MTMR8: variants seen among roughly 807,000 people sequenced by gnomAD.
MTMR8 encodes myotubularin related protein 8.
MTMR8 carries 65 observed loss-of-function variants against 39.3 expected under a neutral mutation model. The ratio of observed to expected loss-of-function variants is 1.65; its 90% CI spans 1.35 to 2.03. MTMR8 has a LOEUF of 2.03. Ranked by LOEUF, MTMR8 falls within the 30% of genes most tolerant of loss-of-function variation. The probability of loss-of-function intolerance (pLI) is 0.00; values close to 1 mark genes in which losing one functional copy is unlikely to be tolerated. For synonymous variants in MTMR8, 245 were observed against 185.2 expected (o/e 1.32, Z -2.62); for missense variants, 777 against 538.9 (o/e 1.44, Z -4.37).
chrX:64,273,867 T>C (rs1931816850), intron 12 of MTMR8, among the ~76,000 whole-genome samples: 1 of 111,674 alleles, frequency 9.0e-6, no homozygotes, highest in Non-Finnish European at 1.9e-5. Flanking sequence ...CAATGAAGAA[T>C]TTTATATAAT....
At chrX:64,282,041 A>C (rs1254463695) in intron 12 of MTMR8, among the ~76,000 whole-genome samples, 1 of 111,344 alleles carries the variant, frequency 9.0e-6, no homozygotes, top group Non-Finnish European at 1.9e-5. Context: ...TGCCAGTCAG[A>C]ATGGCGATTA....
intron 11 of MTMR8, among the ~76,000 whole-genome samples, chrX:64,329,697 T>C (rs780720839): frequency 1.3e-4 from 15 of 111,252 alleles, no homozygotes; most frequent in South Asian, 1.1e-3. Context: ...TGAAGAGTGA[T>C]ATAAGTGGTA....
chrX:64,341,479 CAAAAAAA>C (rs758580930), intron 8 of MTMR8, among the ~76,000 whole-genome samples: 3 of 25,547 alleles, frequency 1.2e-4, no homozygotes, highest in African/African-American at 2.8e-4. Context: ...AACTCTGTCT[CAAAAAAA>C]AAAAAAAAAA....
chrX:64,393,494 C>T (rs1392694912), intron 1 of MTMR8, among the ~76,000 whole-genome samples: 1 of 111,884 alleles, frequency 8.9e-6, no homozygotes, highest in Non-Finnish European at 1.9e-5. Context: ...GTTCTGCCTC[C>T]CCATCTTCCC....
At chrX:64,349,760 A>G (rs1209082340) in intron 5 of MTMR8, among the ~76,000 whole-genome samples, 182 bp downstream of exon 5, 1 of 112,162 alleles carries the variant, frequency 8.9e-6, no homozygotes, top group East Asian at 2.8e-4. Context: ...TTTACAATTT[A>G]CAAAGTACAT....
At chrX:64,388,596 G>T (rs1299773426) in intron 1 of MTMR8, among the ~76,000 whole-genome samples, 2 of 112,392 alleles carry the variant, frequency 1.8e-5, no homozygotes, top group African/African-American at 6.5e-5. Context: ...GCATCTTGCA[G>T]TCCCCACATC....
At chrX:64,310,195 C>A (rs1569217026) in intron 12 of MTMR8, among the ~76,000 whole-genome samples, 1 of 112,021 alleles carries the variant, frequency 8.9e-6, no homozygotes, top group Non-Finnish European at 1.9e-5. Context: ...CCTTTGCTAT[C>A]ATTTCGACAA....
At chrX:64,269,378 T>A in intron 13 of MTMR8, among the ~76,000 whole-genome samples, 1 of 111,913 alleles carries the variant, frequency 8.9e-6, no homozygotes. Flanking sequence ...CAGTATTTCC[T>A]TTTATCCTTA....
chrX:64,308,561 CTA>C (rs1408460474), intron 12 of MTMR8, among the ~76,000 whole-genome samples: 1 of 109,990 alleles, frequency 9.1e-6, no homozygotes, highest in African/African-American at 3.3e-5. Context: ...ATAGTTATAC[CTA>C]TATTTTTCTG....
intron 8 of MTMR8, among the ~76,000 whole-genome samples, chrX:64,342,013 A>C (rs192273329): frequency 8.9e-6 from 1 of 112,343 alleles, no homozygotes; most frequent in African/African-American, 3.2e-5. Context: ...CACTACAGCC[A>C]AGCTGGGGCG....
chrX:64,316,908 C>T (rs1025726664), intron 12 of MTMR8, among the ~76,000 whole-genome samples: 2 of 108,734 alleles, frequency 1.8e-5, no homozygotes, highest in Non-Finnish European at 3.8e-5. Context: ...GTGAGGAGTT[C>T]GAGACCAGCC....
intron 12 of MTMR8, among the ~76,000 whole-genome samples, chrX:64,275,704 AT>A (rs1331166116): frequency 9.1e-6 from 1 of 110,145 alleles, no homozygotes; most frequent in Non-Finnish European, 1.9e-5. Context: ...TTGGAAAAAA[AT>A]ATTTCCAAAA....
chrX:64,395,193 G>A, intron 1 of MTMR8, 147 bp downstream of exon 1: 1 of 575,710 alleles, frequency 1.7e-6, no homozygotes, highest in Non-Finnish European at 2.9e-6. Flanking sequence ...TTGAAAGGGG[G>A]TGTGGACCCA....
At chrX:64,333,242 A>T (rs1226937254) in intron 10 of MTMR8, among the ~76,000 whole-genome samples, 1 of 111,354 alleles carries the variant, frequency 9.0e-6, no homozygotes, top group East Asian at 2.8e-4. Flanking sequence ...TAGGTCCTTA[A>T]CAACATTTTC....
chrX:64,357,736 T>C (rs1923662793), intron 2 of MTMR8, among the ~76,000 whole-genome samples: 1 of 112,099 alleles, frequency 8.9e-6, no homozygotes, highest in Admixed American at 9.5e-5. Context: ...AACTGTTTTG[T>C]CACACTCAAG....
intron 1 of MTMR8, among the ~76,000 whole-genome samples, chrX:64,370,671 A>G (rs1422486108): frequency 8.9e-6 from 1 of 112,149 alleles, no homozygotes; most frequent in African/African-American, 3.2e-5. Flanking sequence ...ACGTACCACA[A>G]ATACAATGGT....
At chrX:64,314,410 G>GT (rs1922402481) in intron 12 of MTMR8, among the ~76,000 whole-genome samples, 1 of 112,638 alleles carries the variant, frequency 8.9e-6, no homozygotes, top group Admixed American at 9.3e-5. Context: ...GTGACTGTGT[G>GT]TGTGGTCCTG....
At chrX:64,304,345 C>T (rs773986265) in intron 12 of MTMR8, among the ~76,000 whole-genome samples, 45 of 111,877 alleles carry the variant, frequency 4.0e-4, no homozygotes, top group African/African-American at 1.5e-3. Context: ...ATCAAGCTTG[C>T]ATGTGTTCAC....
chrX:64,378,879 A>G (rs987719264), intron 1 of MTMR8, among the ~76,000 whole-genome samples: 2 of 112,108 alleles, frequency 1.8e-5, no homozygotes, highest in African/African-American at 6.5e-5. Flanking sequence ...CAAGAAATTG[A>G]TAAGATGCTA....
Sources: gnomAD v4.1 joint callset for allele counts (sites outside exome capture counted in the v4.1 genomes callset) on GRCh38, gnomAD v4.1.1 for gene constraint, MANE v1.5 for transcripts, NCBI Gene and HGNC (gene_info 2026-07-23, HGNC 2026-07-21) for gene names.